Variants in WASHC2A observed in about 807,000 individuals in gnomAD.
WASHC2A encodes the protein WASH complex subunit FAM21A.
Under a neutral mutation model 140.3 loss-of-function variants are expected in WASHC2A, and 82 were observed. The ratio of observed to expected loss-of-function variants is 0.58; its 90% CI spans 0.49 to 0.70. WASHC2A has a LOEUF of 0.70. WASHC2A is among the 30% of genes least tolerant of loss of function. The pLI, the probability that WASHC2A is intolerant of heterozygous loss-of-function variation, is 0.00. For synonymous variants in WASHC2A, 340 were observed against 560.8 expected, an observed-to-expected ratio of 0.61 and a Z score of 5.56; for missense variants, 985 against 1,521.8, an observed-to-expected ratio of 0.65 and a Z score of 5.87.
Position 50,069,683 on chromosome 10 carries a change from T to C in WASHC2A, c.263T>C (p.Met88Thr). The change falls in exon 3 of 31, where the codon ATG (methionine) becomes ACG (threonine). Residue 88 changes from methionine (M) to threonine (T), a missense_variant. Transcript: ENST00000282633. ...RLHNVFNDFL[M>T]LSNTQFIENR... ...CATAATGTCTTCAATGACTTCCTTA[T>C]GCTCTCTAATACCCAGTTCATTGAG... 7.4e-6 allele frequency: 12 copies of C among 1,613,980 alleles called. No individual in the cohort carries two copies. Among genetic ancestry groups the C allele is most frequent in the African/African-American group, 1.3e-5 (1 of 75,052 alleles).
At chr10:50,068,437 C>T (rs77254185) in intron 2 of WASHC2A, among the ~76,000 whole-genome samples, 24,038 of 150,062 alleles carry the variant, frequency 0.16, 2,059 homozygotes, top group Middle Eastern at 0.25. Flanking sequence ...CCAGACGCGA[C>T]GTTCCCTTCA....
At chr10:50,105,682 T>C (rs1439093778) in intron 18 of WASHC2A, among the ~76,000 whole-genome samples, 20 of 150,512 alleles carry the variant, frequency 1.3e-4, no homozygotes, top group East Asian at 3.9e-4. Flanking sequence ...GTTCCCCTTA[T>C]CTGAATAAAA....
chr10:50,115,137 CAACTT>C (rs1312014657), intron 21 of WASHC2A, among the ~76,000 whole-genome samples: 1 of 4,418 alleles, frequency 2.3e-4, no homozygotes, highest in Non-Finnish European at 5.2e-4. Flanking sequence ...TCAAGACACA[CAACTT>C]AAGTAGCTGA....
intron 20 of WASHC2A, among the ~76,000 whole-genome samples, chr10:50,112,989 C>T (rs1423498031): frequency 6.6e-6 from 1 of 150,950 alleles, no homozygotes; most frequent in Non-Finnish European, 1.5e-5. Context: ...TTGCACAACT[C>T]GATGAGTATA....
chr10:50,126,204 T>C, intron 26 of WASHC2A, 25 bp downstream of exon 26: 1 of 1,612,890 alleles, frequency 6.2e-7, no homozygotes, highest in South Asian at 1.1e-5. Context: ...TTAAGGATTT[T>C]CAGCTCTTGT....
intron 19 of WASHC2A, among the ~76,000 whole-genome samples, chr10:50,107,536 G>A (rs1841901503): frequency 6.6e-6 from 1 of 151,982 alleles, no homozygotes; most frequent in Admixed American, 6.5e-5. Context: ...AGTTAATAGG[G>A]GGTGAAGTGG....
rs1359641143 is a variant in WASHC2A, at chr10:50,130,932, C to T, written c.3740C>T (p.Pro1247Leu). 2 of 1,608,272 alleles carry T rather than the reference C, an allele frequency of 1.2e-6. No homozygotes were observed. Among genetic ancestry groups the T allele is most frequent in the Non-Finnish European group, 1.7e-6 (2 of 1,178,884 alleles). Residue 1247 changes from proline (P) to leucine (L), a missense_variant, in exon 30 of 31, where the codon CCC (proline) becomes CTC (leucine). Physicochemically the swap from Pro to Leu is moderately conservative, Grantham distance 98. Coordinates refer to ENST00000282633, the MANE Select transcript of WASHC2A (RefSeq NM_001005751.3). ...ATATTTGCTACGGAAGCAATTAAAC[C>T]CTCTCAGAAAACCAGAGAGAAGGAG... ...DDIFATEAIK[P>L]SQKTREKEKT...
At chr10:50,091,771 G>A (rs1450301632) in intron 10 of WASHC2A, among the ~76,000 whole-genome samples, 10 of 152,026 alleles carry the variant, frequency 6.6e-5, no homozygotes, top group East Asian at 1.9e-4. Flanking sequence ...TAATTTCAGG[G>A]GATTAATAGA....
At chr10:50,076,938 C>T (rs1451133103) in intron 3 of WASHC2A, among the ~76,000 whole-genome samples, 3 of 151,102 alleles carry the variant, frequency 2.0e-5, no homozygotes, top group African/African-American at 4.9e-5. Context: ...CATGGTGAAA[C>T]CCCATCTCTA....
intron 17 of WASHC2A, among the ~76,000 whole-genome samples, chr10:50,103,335 G>A (rs1222496072): frequency 4.0e-5 from 6 of 151,594 alleles, no homozygotes; most frequent in African/African-American, 4.8e-5. Context: ...CGAGGCGGGC[G>A]GATCACAAGG....
intron 8 of WASHC2A, among the ~76,000 whole-genome samples, chr10:50,090,035 A>G (rs1411689760): frequency 1.3e-5 from 2 of 150,920 alleles, no homozygotes; most frequent in East Asian, 3.9e-4. Flanking sequence ...GCTTGAACCT[A>G]GGAGGCGGAG....
chr10:50,094,371 G>A (rs1478261742), intron 13 of WASHC2A, among the ~76,000 whole-genome samples: 28 of 145,304 alleles, frequency 1.9e-4, no homozygotes, highest in African/African-American at 6.7e-4. Context: ...ATGTTGGACG[G>A]TTGGACAGGC....
At chr10:50,099,150 T>C (rs1840800953) in intron 16 of WASHC2A, among the ~76,000 whole-genome samples, 1 of 152,198 alleles carries the variant, frequency 6.6e-6, no homozygotes, top group Non-Finnish European at 1.5e-5. Context: ...TTCTTATTAG[T>C]TGGCATTCTT....
rs1189983368 is a variant in WASHC2A, at chr10:50,091,716, C to T, written c.931+198C>T. Among the ~76,000 whole-genome samples the T allele has an allele frequency of 7.9e-5, 12 of 152,166 alleles. No homozygotes were observed. In the East Asian group the frequency reaches 1.7e-3, roughly 22 times the overall value. ...TTTAGATAACTGAACACTGTGGACC[C>T]ACAAGAAAAACGTACATGTACACAT... is the stretch of plus-strand genomic sequence containing the variant. On this transcript the variant is annotated intron_variant, in intron 10 of 30. Coordinates refer to ENST00000282633, the MANE Select transcript of WASHC2A (RefSeq NM_001005751.3).
chr10:50,088,591 G>A (rs1291911937), intron 8 of WASHC2A, among the ~76,000 whole-genome samples: 18 of 144,514 alleles, frequency 1.2e-4, no homozygotes, highest in Admixed American at 6.3e-4. Flanking sequence ...CCTTTGCTTC[G>A]GTGAACTGTT....
chr10:50,095,799 T>G (rs1356458771), intron 15 of WASHC2A, 21 bp downstream of exon 15: 42 of 1,587,392 alleles, frequency 2.6e-5, no homozygotes, highest in Admixed American at 2.4e-4. Context: ...CTGCCTCCGT[T>G]TCTAGGACTT....
intron 17 of WASHC2A, among the ~76,000 whole-genome samples, chr10:50,101,348 C>A (rs1336936511): frequency 6.6e-6 from 1 of 152,078 alleles, no homozygotes; most frequent in Non-Finnish European, 1.5e-5. Flanking sequence ...CCTCACTCTT[C>A]GATTTCTCTG....
At chr10:50,075,604 A>T (rs1322489704) in intron 3 of WASHC2A, among the ~76,000 whole-genome samples, 1 of 148,874 alleles carries the variant, frequency 6.7e-6, no homozygotes, top group Non-Finnish European at 1.5e-5. Flanking sequence ...CTAGAGAGGG[A>T]TTTCATTTTT....
intron 23 of WASHC2A, among the ~76,000 whole-genome samples, 186 bp from the exon 24 acceptor site, chr10:50,124,927 G>A (rs1476160121): frequency 1.3e-5 from 2 of 149,584 alleles, no homozygotes; most frequent in African/African-American, 2.5e-5. Context: ...TTTTGGAAGC[G>A]CCATAGCATT....
Sources: allele counts gnomAD v4.1 joint callset (sites outside exome capture counted in the v4.1 genomes callset), GRCh38; gene constraint gnomAD v4.1.1; transcripts MANE v1.5; gene names NCBI Gene and HGNC (gene_info 2026-07-23, HGNC 2026-07-21).